Variants in ACYP2 observed in about 807,000 individuals in gnomAD.
ACYP2 encodes acylphosphatase-2.
Under a neutral mutation model 11.2 loss-of-function variants are expected in ACYP2, and 12 were observed. The ratio of observed to expected loss-of-function variants is 1.08; its 90% CI spans 0.69 to 1.74. ACYP2 has a LOEUF of 1.74. Among genes scored for constraint, ACYP2 ranks in the 40% most tolerant of loss-of-function variants. The probability of loss-of-function intolerance (pLI) is 0.00; values close to 1 mark genes in which losing one functional copy is unlikely to be tolerated. For missense variants in ACYP2, 134 were observed against 101.9 expected (o/e 1.31, Z -1.35); for synonymous variants, 43 against 32.2 (o/e 1.33, Z -1.13).
At chr2:54,106,628 C>T (rs1679176011) in intron 4 of ACYP2, among the ~76,000 whole-genome samples, 1 of 152,186 alleles carries the variant, frequency 6.6e-6, no homozygotes, top group Non-Finnish European at 1.5e-5. Flanking sequence ...GTTGCCCAGG[C>T]TGGAGGCTAC....
intron 4 of ACYP2, chr2:54,065,982 A>T (rs1209896245): frequency 6.5e-6 from 1 of 152,748 alleles, no homozygotes; most frequent in African/African-American, 2.4e-5. Context: ...TGCAATTTTT[A>T]TTTGTTGTGC....
chr2:54,215,787 T>C (rs1174188179), intron 6 of ACYP2, among the ~76,000 whole-genome samples: 1 of 152,228 alleles, frequency 6.6e-6, no homozygotes, highest in African/African-American at 2.4e-5. Flanking sequence ...TGCAAGACAT[T>C]CCATTGTATT....
intron 2 of ACYP2, among the ~76,000 whole-genome samples, chr2:53,984,837 T>C (rs80189665): frequency 0.024 from 3,641 of 151,778 alleles, 78 homozygotes; most frequent in Non-Finnish European, 0.032. Flanking sequence ...AGAAAAAGCA[T>C]TTATTAGTCC....
chr2:54,093,021 G>T (rs183737155), intron 4 of ACYP2, among the ~76,000 whole-genome samples: 75 of 152,296 alleles, frequency 4.9e-4, no homozygotes, highest in African/African-American at 1.7e-3. Context: ...GCTCCCACTG[G>T]TTGGGCTGAG....
chr2:54,216,817 G>A (rs187992136), intron 6 of ACYP2, among the ~76,000 whole-genome samples: 29 of 152,318 alleles, frequency 1.9e-4, no homozygotes, highest in South Asian at 6.2e-4. Flanking sequence ...AATTACAAGC[G>A]TGAGCTACTG....
chr2:54,255,681 C>T, intron 6 of ACYP2: 1 of 1,613,966 alleles, frequency 6.2e-7, no homozygotes, highest in Non-Finnish European at 8.5e-7. Context: ...GGGCTGAGAA[C>T]ATGGCACACT....
chr2:54,072,603 C>T (rs1390996731), intron 4 of ACYP2, among the ~76,000 whole-genome samples: 3 of 143,494 alleles, frequency 2.1e-5, no homozygotes, highest in African/African-American at 7.7e-5. Flanking sequence ...CACTCTGTTG[C>T]CCAGGCTGGA....
At chr2:54,068,967 C>G (rs919076059) in intron 4 of ACYP2, among the ~76,000 whole-genome samples, 1 of 151,990 alleles carries the variant, frequency 6.6e-6, no homozygotes, top group Non-Finnish European at 1.5e-5. Context: ...CTCTCTGTCG[C>G]CCCGGCTGGA....
intron 1 of ACYP2, among the ~76,000 whole-genome samples, chr2:53,972,962 G>A (rs1671247699): frequency 6.6e-6 from 1 of 151,718 alleles, no homozygotes; most frequent in African/African-American, 2.4e-5. Flanking sequence ...AGGAGGGAAG[G>A]AAATATACAG....
intron 6 of ACYP2, among the ~76,000 whole-genome samples, chr2:54,298,605 A>G (rs937684808): frequency 1.3e-5 from 2 of 152,240 alleles, no homozygotes. Context: ...CAGTTAACAC[A>G]GTGGAAATCC....
chr2:54,193,771 T>G (rs1406202489), intron 6 of ACYP2, among the ~76,000 whole-genome samples: 1 of 152,176 alleles, frequency 6.6e-6, no homozygotes, highest in Non-Finnish European at 1.5e-5. Context: ...ATGGCAGCAA[T>G]TTTTGTGATC....
intron 2 of ACYP2, among the ~76,000 whole-genome samples, chr2:53,974,307 T>G (rs1266356068): frequency 2.0e-5 from 3 of 152,112 alleles, no homozygotes; most frequent in Non-Finnish European, 4.4e-5. Flanking sequence ...GAAGAGAATG[T>G]GGAGTCATTG....
chr2:54,043,943 G>T (rs915981680), intron 2 of ACYP2, among the ~76,000 whole-genome samples: 1 of 152,046 alleles, frequency 6.6e-6, no homozygotes, highest in Admixed American at 6.6e-5. Context: ...AGGGAAAAGG[G>T]AATCACAGTA....
At chr2:54,255,766 A>G in intron 6 of ACYP2, 1 of 1,613,814 alleles carries the variant, frequency 6.2e-7, no homozygotes, top group African/African-American at 1.3e-5. Flanking sequence ...ACAGGTTTCT[A>G]GAGCCTTCTC....
At chr2:54,181,059 A>G (rs79783138) in intron 6 of ACYP2, among the ~76,000 whole-genome samples, 3,671 of 152,316 alleles carry the variant, frequency 0.024, 66 homozygotes, top group Middle Eastern at 0.051. Context: ...TATTACAAAA[A>G]GCACTTCAGT....
At position 54,160,362 on chromosome 2, in the gene ACYP2, T is replaced by G. The variant is rs987475645; in HGVS notation, c.404+21614T>G. Among the ~76,000 whole-genome samples the G allele has an allele frequency of 2.6e-5, 4 of 152,334 alleles. No homozygotes were observed. In the East Asian group the frequency reaches 7.7e-4, roughly 29 times the overall value. On this transcript the variant is annotated intron_variant, in intron 6 of 6. Transcript: ENST00000607452. ...GCAGCACACTTCTATGTGTGTGCTA[T>G]TGTCCATCCCTGGCAGTAATCAGCT...
intron 3 of ACYP2, among the ~76,000 whole-genome samples, chr2:54,052,570 C>CA (rs889615576): frequency 5.0e-4 from 76 of 151,198 alleles, no homozygotes; most frequent in African/African-American, 1.6e-3. Flanking sequence ...ACTGTAATTG[C>CA]AAAAAAAAGT....
intron 6 of ACYP2, among the ~76,000 whole-genome samples, chr2:54,295,684 T>C (rs1406014585): frequency 3.3e-5 from 5 of 152,190 alleles, no homozygotes; most frequent in Non-Finnish European, 2.9e-5. Context: ...TTTATGAATA[T>C]GTATTTATTG....
In ACYP2 at chr2:54,082,768, C is replaced by T. The variant is rs567522517; in HGVS notation, c.277+25408C>T. ...TGGTCTTGCAGGCAAAACTCAAGTTCCTAGGTAGGACTGAGAAGTGGTCAT... is the reference window on the plus strand; with the variant it reads ...TGGTCTTGCAGGCAAAACTCAAGTTTCTAGGTAGGACTGAGAAGTGGTCAT... On this transcript the variant is annotated intron_variant, in intron 4 of 6. Transcript: ENST00000607452. 3 of 152,198 alleles carry T rather than the reference C, an allele frequency of 2.0e-5. No homozygotes were observed. In the South Asian group the frequency reaches 6.2e-4, roughly 32 times the overall value. The allele number at this position is 152,198 out of a possible 1,614,324, so 9.4% of individuals were successfully genotyped here.
Sources: allele counts gnomAD v4.1 joint callset (sites outside exome capture counted in the v4.1 genomes callset), GRCh38; gene constraint gnomAD v4.1.1; transcripts MANE v1.5; gene names NCBI Gene and HGNC (gene_info 2026-07-23, HGNC 2026-07-21).